Variants in MOCS1 observed in about 807,000 individuals in gnomAD.
The protein encoded by MOCS1 is molybdenum cofactor synthesis 1.
Under a neutral mutation model 57.6 loss-of-function variants are expected in MOCS1, and 39 were observed. The ratio of observed to expected loss-of-function variants is 0.68; its 90% CI spans 0.52 to 0.88. The LOEUF is 0.88. Among genes scored for constraint, MOCS1 ranks in the 40% least tolerant of loss-of-function variants. The probability of loss-of-function intolerance (pLI) is 0.00; values close to 1 mark genes in which losing one functional copy is unlikely to be tolerated. For synonymous variants in MOCS1, 334 were observed against 335.7 expected, an observed-to-expected ratio of 1.00 and a Z score of 0.05; for missense variants, 795 against 831.1, an observed-to-expected ratio of 0.96 and a Z score of 0.53.
At chr6:39,933,173 T>C (rs1283926762) in intron 1 of MOCS1, among the ~76,000 whole-genome samples, 1 of 152,138 alleles carries the variant, frequency 6.6e-6, no homozygotes, top group Non-Finnish European at 1.5e-5. Flanking sequence ...GAGGACTAAA[T>C]GCTTCCACAT....
At position 39,905,745 on chromosome 6, in the gene MOCS1, A is replaced by G. The variant is rs1253312845; in HGVS notation, c.*612T>C. The G allele has an allele frequency of 2.1e-6, 1 of 471,250 alleles. No homozygotes were observed. Among genetic ancestry groups the G allele is most frequent in the Non-Finnish European group, 4.4e-6 (1 of 227,074 alleles). The allele number at this position is 471,250 out of a possible 1,614,324, so 29.2% of individuals were successfully genotyped here. On this transcript the variant is annotated 3_prime_UTR_variant, in exon 11 of 11. Transcript: ENST00000340692. ...GGGGGCCAGAGGAAAAGGGGCCAGC[A>G]GGACCGGGCAACTGTTAAGCTGAAA...
rs540251500 is a variant in MOCS1 at position 39,932,693 on chromosome 6, A to G, written c.123+1602T>C. Among the ~76,000 whole-genome samples, 3 of 152,328 alleles carry G rather than the reference A, an allele frequency of 2.0e-5. No individual in the cohort carries two copies. In the East Asian group the frequency reaches 5.8e-4, roughly 29 times the overall value. On this transcript the variant is annotated intron_variant, in intron 1 of 10. Coordinates refer to ENST00000340692, the MANE Select transcript of MOCS1 (RefSeq NM_001358530.2). ...CAGAATAGCTATCCAACAAGTCCAG[A>G]TGGGAGGGGACTCACAGGACAGAGC...
intron 3 of MOCS1, among the ~76,000 whole-genome samples, chr6:39,919,694 A>G (rs1473259887): frequency 6.6e-6 from 1 of 152,210 alleles, no homozygotes; most frequent in Non-Finnish European, 1.5e-5. Flanking sequence ...GGACCAACAG[A>G]ACAAAGTAGA....
intron 3 of MOCS1, among the ~76,000 whole-genome samples, chr6:39,925,237 T>C (rs1768209466): frequency 6.6e-6 from 1 of 152,134 alleles, no homozygotes; most frequent in East Asian, 1.9e-4. Flanking sequence ...AGGAAGGCCT[T>C]GCTGAGAAGA....
chr6:39,909,848 C>T lies in MOCS1; in HGVS notation c.1089G>A (p.Lys363=), dbSNP rs979940090. ...RIIGAAVGRK[K]RQHAGMFSIS... is the part of the protein sequence containing the mutation. ...CCCTGCACTTACCTGCATGCTGCCG[C>T]TTCTTCCTGCCCACAGCAGCCCCAA... Residue 363 remains lysine, a synonymous_variant, in exon 9 of 11, where the codon AAG becomes AAA. Coordinates refer to ENST00000340692, the MANE Select transcript of MOCS1 (RefSeq NM_001358530.2). 5.0e-6 allele frequency: 8 copies of T among 1,613,380 alleles called. No individual in the cohort carries two copies. The African/African-American group carries it at 8.0e-5, about 16-fold the overall frequency.
intron 1 of MOCS1, among the ~76,000 whole-genome samples, chr6:39,929,561 A>T (rs1768534944): frequency 6.6e-6 from 1 of 152,034 alleles, no homozygotes; most frequent in Admixed American, 6.6e-5. Flanking sequence ...AGGAGTCAAA[A>T]TACATCAAAG....
At position 39,912,363 on chromosome 6, in the gene MOCS1, G is replaced by A; in HGVS notation, c.882C>T (p.Ile294=). Residue 294 remains isoleucine (I), a synonymous_variant, in exon 8 of 11, where the codon ATC becomes ATT. Coordinates refer to ENST00000340692, the MANE Select transcript of MOCS1 (RefSeq NM_001358530.2). ...AGCTGATCTGGCCTTGGAAGCCAGG[G>A]ATTTTAAAGGCCTGGGCAGGGGAGA... ...EESSTAKAFK[I]PGFQGQISFI... 1.2e-6 allele frequency: 2 copies of A among 1,613,626 alleles called. No individual in the cohort carries two copies. Among genetic ancestry groups the A allele is most frequent in the Non-Finnish European group, 1.7e-6 (2 of 1,179,562 alleles).
intron 2 of MOCS1, 121 bp downstream of exon 2, chr6:39,927,208 A>T: frequency 1.6e-6 from 2 of 1,269,186 alleles, no homozygotes; most frequent in Admixed American, 1.9e-5. Context: ...AAGGGGTAGC[A>T]GGTGAAGAAG....
intron 4 of MOCS1, 32 bp downstream of exon 4, chr6:39,916,036 G>T (rs1217211745): frequency 6.3e-7 from 1 of 1,577,688 alleles, no homozygotes; most frequent in South Asian, 1.2e-5. Flanking sequence ...CAGGCCCTGG[G>T]AGGGACACCC....
At chr6:39,912,238 G>C in intron 8 of MOCS1, 26 bp downstream of exon 8, 1 of 1,530,398 alleles carries the variant, frequency 6.5e-7, no homozygotes. Context: ...GTGGCAAGGG[G>C]TCCCTGTGGA....
Position 39,915,376 on chromosome 6 carries a change from C to T in MOCS1, c.583+692G>A, listed in dbSNP as rs1474147817. On this transcript the variant is annotated intron_variant, in intron 4 of 10. Transcript: ENST00000340692. ...GAGGAAGGAGATCTGGGTCTCCCTG[C>T]CACCCCTCTGATCCTCCAGAGTCCT... Among the ~76,000 whole-genome samples, 3 of 152,268 alleles carry T rather than the reference C, an allele frequency of 2.0e-5. No individual in the cohort carries two copies. In the East Asian group the frequency reaches 5.8e-4, roughly 30 times the overall value.
chr6:39,909,945 A>G lies in MOCS1; in HGVS notation c.992T>C (p.Phe331Ser). Residue 331 changes from phenylalanine to serine, a missense_variant, in exon 9 of 11, where the codon TTT (phenylalanine) becomes TCT (serine). Physicochemically the swap from Phe to Ser is radical, Grantham distance 155. Transcript: ENST00000340692. ...CCGCAGGGATACCTCAGAGTTTCCA[A>G]AGAGGCAGACCTACATGTGGGTGAG... ...TADGNLKVCL[F>S]GNSEVSLRDH... 6.2e-7 allele frequency: 1 copy of G among 1,613,488 alleles called. No individual in the cohort carries two copies. The highest frequency in any genetic ancestry group is 8.5e-7 in the Non-Finnish European group (1 of 1,179,986).
chr6:39,909,973 C>T lies in MOCS1; in HGVS notation c.982-18G>A, dbSNP rs760233322. The T allele has an allele frequency of 5.0e-6, 8 of 1,612,144 alleles. No individual in the cohort carries two copies. The East Asian group carries it at 1.8e-4, about 36-fold the overall frequency. On this transcript the variant is annotated intron_variant, in intron 8 of 10. Transcript: ENST00000340692. ...AGGCAGACCTACATGTGGGTGAGGA[C>T]AATATGCCTTCCTTACCCCTGAGCC...
At chr6:39,921,680 T>A (rs1398841869) in intron 3 of MOCS1, among the ~76,000 whole-genome samples, 3 of 151,916 alleles carry the variant, frequency 2.0e-5, no homozygotes, top group Admixed American at 6.6e-5. Context: ...CAAGCTATAC[T>A]CTACAAGAAA....
Position 39,913,077 on chromosome 6 carries a change from C to T in MOCS1, c.758-73G>A, listed in dbSNP as rs1057427053. ...GAAGGGGCCCCGGGGTCTTTGAGTC[C>T]ATCCCCTGCCACAGCATAGCAATCA... is the stretch of plus-strand genomic sequence containing the variant. On this transcript the variant is annotated intron_variant, in intron 6 of 10. Transcript: ENST00000340692. 4.3e-6 allele frequency: 5 copies of T among 1,163,298 alleles called. No homozygotes were observed. In the African/African-American group the frequency reaches 4.5e-5, roughly 11 times the overall value. 72.1% of individuals were successfully genotyped at this position (1,163,298 alleles called of 1,614,324 possible).
intron 1 of MOCS1, chr6:39,927,757 A>G (rs1768419612): frequency 6.7e-7 from 1 of 1,494,416 alleles, no homozygotes; most frequent in South Asian, 1.3e-5. Context: ...GAAATCTATT[A>G]GCCCTTATTC....
chr6:39,927,552 TG>T (rs753243913), intron 1 of MOCS1, 97 bp from the exon 2 acceptor site: 2 of 1,610,862 alleles, frequency 1.2e-6, no homozygotes, highest in Non-Finnish European at 1.7e-6. Flanking sequence ...CTCTGACATC[TG>T]TGCGGAGCTT....
intron 3 of MOCS1, 22 bp from the exon 4 acceptor site, chr6:39,916,254 G>A: frequency 1.2e-6 from 2 of 1,612,688 alleles, no homozygotes; most frequent in Non-Finnish European, 1.7e-6. Flanking sequence ...ACAGAAAGGG[G>A]GTCAGACTGC....
Position 39,905,402 on chromosome 6 carries a change from T to C in MOCS1, c.*955A>G, listed in dbSNP as rs914546569. 6.4e-6 allele frequency: 3 copies of C among 468,666 alleles called. No individual in the cohort carries two copies. Among genetic ancestry groups the C allele is most frequent in the East Asian group, 6.9e-5 (1 of 14,402 alleles). 29.0% of individuals were successfully genotyped at this position (468,666 alleles called of 1,614,324 possible). A position where few individuals can be genotyped will look rare whatever the true frequency, so the allele number is the denominator to read the frequency against. ...CTTAGGCCTTTCCAGGTCCCTCCTC[T>C]TCTTCCCTCAGGGAACTGTGTCTTG... On this transcript the variant is annotated 3_prime_UTR_variant, in exon 11 of 11. Transcript: ENST00000340692.
Sources: allele counts gnomAD v4.1 joint callset (sites outside exome capture counted in the v4.1 genomes callset), GRCh38; gene constraint gnomAD v4.1.1; transcripts MANE v1.5; gene names NCBI Gene and HGNC (gene_info 2026-07-23, HGNC 2026-07-21).